The following SPPL2B variants were observed in gnomAD, a reference collection of about 807,000 sequenced individuals.
SPPL2B encodes signal peptide peptidase-like 2B.
In SPPL2B, 39 loss-of-function variants were observed where a neutral mutation model predicts 59.7. The observed-to-expected ratio is 0.65, with a 90% CI of 0.51 to 0.85. The LOEUF (loss-of-function observed/expected upper bound fraction) is 0.85, where lower values mean the gene tolerates loss of function less well. Ranked by LOEUF, SPPL2B falls within the 40% of genes least tolerant of loss-of-function variation. The probability of loss-of-function intolerance (pLI) is 0.00; values close to 1 mark genes in which losing one functional copy is unlikely to be tolerated. For missense variants in SPPL2B, 865 were observed against 849.0 expected (o/e 1.02, Z -0.23); for synonymous variants, 419 against 370.8 (o/e 1.13, Z -1.49).
chr19:2,337,898 C>T (rs1032315606), intron 3 of SPPL2B: 5 of 406,582 alleles, frequency 1.2e-5, no homozygotes, highest in South Asian at 3.6e-5. Context: ...TAGAGCAGCC[C>T]CCAGGGGTGA....
At chr19:2,343,339 G>T (rs1969168464) in intron 9 of SPPL2B, 47 bp downstream of exon 9, 3 of 1,462,452 alleles carry the variant, frequency 2.1e-6, no homozygotes, top group Non-Finnish European at 2.8e-6. Flanking sequence ...GGTAGTGGGG[G>T]CCCTTCATCC....
At chr19:2,329,875 C>T (rs1968189171) in intron 1 of SPPL2B, among the ~76,000 whole-genome samples, 1 of 152,206 alleles carries the variant, frequency 6.6e-6, no homozygotes, top group Admixed American at 6.5e-5. Context: ...TTCTCTTACC[C>T]TGAGATGCCC....
intron 5 of SPPL2B, 81 bp from the exon 6 acceptor site, chr19:2,339,743 T>TC (rs1968900405): frequency 4.6e-6 from 7 of 1,522,748 alleles, no homozygotes; most frequent in Admixed American, 2.0e-5. Flanking sequence ...TCTGCCCCGT[T>TC]CCCCCGGGTG....
rs1970075239 is a variant in SPPL2B at position 2,354,293 on chromosome 19, G to C, written c.*1084G>C. 1 of 152,294 alleles carries C rather than the reference G, an allele frequency of 6.6e-6. No individual in the cohort carries two copies. The highest frequency in any genetic ancestry group is 2.1e-4 in the South Asian group (1 of 4,836). The allele number at this position is 152,294 out of a possible 1,614,324, so 9.4% of individuals were successfully genotyped here. A position where few individuals can be genotyped will look rare whatever the true frequency, so the allele number is the denominator to read the frequency against. On this transcript the variant is annotated 3_prime_UTR_variant, in exon 15 of 15. Transcript: ENST00000613503. The stretch of plus-strand genomic sequence containing the variant: ...GTCCTCCTGACTCCAGGGCAGAGAC[G>C]TCCGTGCGGGAACTGACCGAGGCGT...
At chr19:2,338,348 A>T (rs2145156526) in intron 3 of SPPL2B, 1 of 164,152 alleles carries the variant, frequency 6.1e-6, no homozygotes, top group South Asian at 1.7e-4. Context: ...GGCAGAGCCG[A>T]GAGTGCCATC....
At chr19:2,346,353 C>G (rs1969369666) in intron 13 of SPPL2B, among the ~76,000 whole-genome samples, 1 of 152,258 alleles carries the variant, frequency 6.6e-6, no homozygotes, top group Admixed American at 6.5e-5. Context: ...ATTTTACTGT[C>G]TTCATGATTA....
rs1334242813 is a variant in SPPL2B, at chr19:2,332,414, C to T, written c.67-2188C>T. ...TTAGCCAAGCCAGAGCTGTCCTTCC[C>T]CAGTCCTAGCTTGGCAGAGCTGCGT... On this transcript the variant is annotated intron_variant, in intron 1 of 14. Transcript: ENST00000613503. This position sits in a 1 kb window ranked among gnomAD's most constrained non-coding sequence, Gnocchi z 4.6. Among the ~76,000 whole-genome samples the T allele has an allele frequency of 6.6e-6, 1 of 152,250 alleles. No homozygotes were observed. The highest frequency in any genetic ancestry group is 1.9e-4 in the East Asian group (1 of 5,200).
In SPPL2B at chr19:2,339,936, GTGC is replaced by G. The variant is rs759840538; in HGVS notation, c.717_719del (p.Leu240del). 6.4e-7 allele frequency: 1 copy of G among 1,561,228 alleles called. No individual in the cohort carries two copies. The highest frequency in any genetic ancestry group is 8.7e-7 in the Non-Finnish European group (1 of 1,152,430). On this transcript the variant is annotated inframe_deletion, in exon 6 of 15. Transcript: ENST00000613503. ...TGTGGTGATGTGCTGCTCCATGCTG[GTGC>G]TGCTCTACTATTTCTACGATCTCCT...
At chr19:2,342,969 T>TC in intron 8 of SPPL2B, 1 of 542,674 alleles carries the variant, frequency 1.8e-6, no homozygotes, top group East Asian at 3.1e-5. Context: ...AGTGGTGGGC[T>TC]CCTCTACCTG....
At chr19:2,351,856 AGGGGTGCCGGGTGGGACGCG>A (rs1266781361) in intron 14 of SPPL2B, among the ~76,000 whole-genome samples, 2 of 81,900 alleles carry the variant, frequency 2.4e-5, no homozygotes, top group East Asian at 3.6e-4. Flanking sequence ...GGTGGGGCCC[AGGGGTGCCGGGTGGGACGCG>A]GGGGTGCCGG....
intron 7 of SPPL2B, chr19:2,340,422 C>T: frequency 1.6e-6 from 1 of 636,534 alleles, no homozygotes. Context: ...AACCCTGCCC[C>T]AGGTCGCAGG....
chr19:2,335,184 TC>T (rs751537829), intron 2 of SPPL2B, among the ~76,000 whole-genome samples: 1 of 151,518 alleles, frequency 6.6e-6, no homozygotes, highest in Non-Finnish European at 1.5e-5. Flanking sequence ...CCGCCTCCTT[TC>T]CCACCGCATC....
At chr19:2,343,353 C>A in intron 9 of SPPL2B, 61 bp downstream of exon 9, 1 of 1,383,636 alleles carries the variant, frequency 7.2e-7, no homozygotes, top group Non-Finnish European at 1.0e-6. Context: ...TTCATCCTAG[C>A]CTGGCCCGTG....
intron 13 of SPPL2B, among the ~76,000 whole-genome samples, chr19:2,346,480 A>T (rs1568447141): frequency 6.6e-6 from 1 of 152,232 alleles, no homozygotes; most frequent in South Asian, 2.1e-4. Context: ...AGCCTGGGCA[A>T]CATAGTAAGA....
intron 13 of SPPL2B, among the ~76,000 whole-genome samples, chr19:2,348,882 TTCTC>T (rs757706138): frequency 3.6e-3 from 469 of 131,844 alleles, no homozygotes; most frequent in East Asian, 0.028. Flanking sequence ...CTTGATTCCA[TTCTC>T]TCTCTCCACA....
intron 2 of SPPL2B, among the ~76,000 whole-genome samples, chr19:2,336,054 T>G (rs1160920623): frequency 6.6e-6 from 1 of 152,230 alleles, no homozygotes; most frequent in Admixed American, 6.5e-5. Flanking sequence ...TGTGCCTGAG[T>G]GCATATTTCT....
rs1599232665 is a variant in SPPL2B at position 2,344,172 on chromosome 19, C to T, written c.1113+133C>T. On this transcript the variant is annotated intron_variant, in intron 10 of 14. Coordinates refer to ENST00000613503, the MANE Select transcript of SPPL2B (RefSeq NM_152988.3). ...TCGTCCCCCTCCACCCCACACCGTG[C>T]TCCCCTGCCCCCCACCCCATCACCC... The T allele has an allele frequency of 9.8e-6, 5 of 508,032 alleles. No individual in the cohort carries two copies. The Admixed American group carries it at 1.3e-4, about 13-fold the overall frequency. 31.5% of individuals were successfully genotyped at this position (508,032 alleles called of 1,614,324 possible).
intron 13 of SPPL2B, among the ~76,000 whole-genome samples, chr19:2,348,972 T>G (rs573715434): frequency 8.8e-5 from 13 of 146,958 alleles, no homozygotes; most frequent in African/African-American, 3.4e-4. Flanking sequence ...TTCGCTTGAT[T>G]CCGTTCTCTC....
At position 2,351,472 on chromosome 19, in the gene SPPL2B, G is replaced by T. The variant is rs920878182; in HGVS notation, c.1393G>T (p.Ala465Ser). 1 of 1,609,544 alleles carries T rather than the reference G, an allele frequency of 6.2e-7. No individual in the cohort carries two copies. Among genetic ancestry groups the T allele is most frequent in the Non-Finnish European group, 8.5e-7 (1 of 1,178,964 alleles). ...CCTCCTTGTGACATTCGTGGCACTG[G>T]CCCTGATGCAGCGTGGCCAGCCCGC... ...VGLLVTFVAL[A>S]LMQRGQPALL... The change falls in exon 14 of 15, where the codon GCC (alanine) becomes TCC (serine). Residue 465 changes from alanine to serine, a missense_variant. Ala to Ser is a moderately conservative substitution (Grantham distance 99, BLOSUM62 1). Coordinates refer to ENST00000613503, the MANE Select transcript of SPPL2B (RefSeq NM_152988.3).
Sources: allele counts gnomAD v4.1 joint callset (sites outside exome capture counted in the v4.1 genomes callset), GRCh38; gene constraint gnomAD v4.1.1; non-coding constraint Gnocchi (gnomAD v3.1); transcripts MANE v1.5; gene names NCBI Gene and HGNC (gene_info 2026-07-23, HGNC 2026-07-21).